Variants in CSMD3 observed in about 807,000 individuals in gnomAD.
The protein encoded by CSMD3 is CUB and sushi domain-containing protein 3.
A neutral mutation model predicts 435.2 loss-of-function variants in CSMD3; 177 were observed. That is an observed-to-expected ratio of 0.41 (90% CI 0.36 to 0.46). The LOEUF (loss-of-function observed/expected upper bound fraction) is 0.46, where lower values mean the gene tolerates loss of function less well. CSMD3 is among the 20% of genes least tolerant of loss of function. The pLI, the probability that CSMD3 is intolerant of heterozygous loss-of-function variation, is 0.34. For synonymous variants in CSMD3, 1,656 were observed against 1,520.5 expected, an observed-to-expected ratio of 1.09 and a Z score of -2.07; for missense variants, 4,265 against 4,504.6, an observed-to-expected ratio of 0.95 and a Z score of 1.52.
At chr8:112,944,401 C>G (rs923809342) in intron 9 of CSMD3, among the ~76,000 whole-genome samples, 1 of 151,676 alleles carries the variant, frequency 6.6e-6, no homozygotes, top group Admixed American at 6.6e-5. Context: ...TCTACCCTCT[C>G]TTTCCAATGC....
rs138378717 is a variant in CSMD3 at position 113,164,910 on chromosome 8, C to T, written c.709+8812G>A. On this transcript the variant is annotated intron_variant, in intron 4 of 70. Coordinates refer to ENST00000297405, the MANE Select transcript of CSMD3 (RefSeq NM_198123.2). ...AATGAGTCTACTAAAATATGTGTCACATAGCATTAAATGTCTTTGGTGGCT... is the reference window on the plus strand; with the variant it reads ...AATGAGTCTACTAAAATATGTGTCATATAGCATTAAATGTCTTTGGTGGCT... Among the ~76,000 whole-genome samples the T allele has an allele frequency of 1.6e-4, 25 of 152,242 alleles. No homozygotes were observed. The East Asian group carries it at 4.3e-3, about 26-fold the overall frequency.
intron 59 of CSMD3, among the ~76,000 whole-genome samples, chr8:112,269,470 A>C (rs2130455216): frequency 6.6e-6 from 1 of 152,278 alleles, no homozygotes; most frequent in South Asian, 2.1e-4. Context: ...ATATCATCCA[A>C]GAAAATGAAT....
rs565793375 is a variant in CSMD3, at chr8:112,918,978, T to C, written c.1633+2649A>G. Among the ~76,000 whole-genome samples the C allele has an allele frequency of 1.7e-4, 26 of 152,022 alleles. No individual in the cohort carries two copies. The South Asian group carries it at 5.4e-3, about 32-fold the overall frequency. On this transcript the variant is annotated intron_variant, in intron 10 of 70. Coordinates refer to ENST00000297405, the MANE Select transcript of CSMD3 (RefSeq NM_198123.2). ...CTTTGTCCAGACTCACAGTAGTCATTTTAAAACTTCAATTACTATTTCAGC... is the reference window on the plus strand; with the variant it reads ...CTTTGTCCAGACTCACAGTAGTCATCTTAAAACTTCAATTACTATTTCAGC...
intron 2 of CSMD3, among the ~76,000 whole-genome samples, chr8:113,306,494 T>A (rs2093822500): frequency 6.6e-6 from 1 of 152,110 alleles, no homozygotes; most frequent in Non-Finnish European, 1.5e-5. Context: ...ACCTAAGGCA[T>A]TTAGATATTT....
chr8:113,075,956 T>C (rs933267171), intron 5 of CSMD3, among the ~76,000 whole-genome samples: 1 of 151,824 alleles, frequency 6.6e-6, no homozygotes, highest in Non-Finnish European at 1.5e-5. Context: ...ATAGACTAGG[T>C]GATTTAAAAA....
chr8:112,560,600 T>C (rs1004319576), intron 24 of CSMD3, among the ~76,000 whole-genome samples: 47 of 151,690 alleles, frequency 3.1e-4, no homozygotes, highest in Admixed American at 3.0e-3. Context: ...TGGGTGAACA[T>C]GCAAACAGCA....
intron 24 of CSMD3, among the ~76,000 whole-genome samples, chr8:112,559,947 A>G (rs1045206969): frequency 2.6e-5 from 4 of 151,770 alleles, no homozygotes; most frequent in African/African-American, 9.7e-5. Flanking sequence ...TGCTGGAGAA[A>G]AAAAACTTTT....
At chr8:112,697,357 GA>G (rs2076281627) in intron 13 of CSMD3, among the ~76,000 whole-genome samples, 1 of 152,140 alleles carries the variant, frequency 6.6e-6, no homozygotes, top group African/African-American at 2.4e-5. Flanking sequence ...ACTGGGTTAA[GA>G]AAATGTGGCA....
chr8:113,173,983 T>C (rs147457566), intron 3 of CSMD3, 67 bp from the exon 4 acceptor site: 2 of 1,094,170 alleles, frequency 1.8e-6, no homozygotes, highest in African/African-American at 3.1e-5. Context: ...TTTAGATGTA[T>C]AAAATTATAT....
chr8:112,828,553 C>T (rs528213210), intron 12 of CSMD3, among the ~76,000 whole-genome samples: 7 of 152,236 alleles, frequency 4.6e-5, no homozygotes, highest in Non-Finnish European at 4.4e-5. Flanking sequence ...GTAAGTTTCC[C>T]GAGGTCTCCC....
At chr8:112,585,805 AT>A in intron 23 of CSMD3, among the ~76,000 whole-genome samples, 1 of 151,648 alleles carries the variant, frequency 6.6e-6, no homozygotes, top group African/African-American at 2.4e-5. Context: ...GCATTGATAC[AT>A]TTTCCCCCCA....
At chr8:112,282,141 T>C (rs1046003887) in intron 58 of CSMD3, among the ~76,000 whole-genome samples, 2 of 152,140 alleles carry the variant, frequency 1.3e-5, no homozygotes, top group African/African-American at 4.8e-5. Context: ...CTTTTATGGA[T>C]ATGAAATATG....
intron 4 of CSMD3, among the ~76,000 whole-genome samples, chr8:113,143,364 C>T (rs2131740401): frequency 6.6e-6 from 1 of 151,488 alleles, no homozygotes; most frequent in East Asian, 1.9e-4. Context: ...ACTTACATAT[C>T]ACCAGCGGAA....
chr8:113,372,637 G>A (rs916683042), intron 1 of CSMD3, among the ~76,000 whole-genome samples: 8 of 152,074 alleles, frequency 5.3e-5, no homozygotes, highest in Admixed American at 4.6e-4. Context: ...CAAAAGCATA[G>A]AAAAGACACA....
intron 13 of CSMD3, among the ~76,000 whole-genome samples, chr8:112,789,679 G>A (rs2078638382): frequency 1.3e-5 from 2 of 151,802 alleles, no homozygotes; most frequent in South Asian, 4.1e-4. Flanking sequence ...ATTAAACAAA[G>A]TTTTTATTAT....
At chr8:112,524,206 C>A (rs1038986533) in intron 27 of CSMD3, among the ~76,000 whole-genome samples, 1 of 151,572 alleles carries the variant, frequency 6.6e-6, no homozygotes, top group African/African-American at 2.4e-5. Flanking sequence ...TTTGTGGAAT[C>A]AAAGGCTTGT....
chr8:113,106,734 A>G (rs1272724465), intron 4 of CSMD3, among the ~76,000 whole-genome samples: 1 of 152,196 alleles, frequency 6.6e-6, no homozygotes, highest in Non-Finnish European at 1.5e-5. Context: ...CAAATATTTT[A>G]GTGCTTTTCA....
At chr8:113,186,508 A>G (rs2092504417) in intron 3 of CSMD3, among the ~76,000 whole-genome samples, 1 of 152,048 alleles carries the variant, frequency 6.6e-6, no homozygotes, top group Non-Finnish European at 1.5e-5. Flanking sequence ...AGCCGTTTAT[A>G]GGACGCTTTC....
chr8:112,472,480 A>G (rs1818618952), intron 32 of CSMD3, 111 bp downstream of exon 32: 2 of 751,672 alleles, frequency 2.7e-6, no homozygotes, highest in African/African-American at 3.5e-5. Flanking sequence ...ATTGCATAGT[A>G]AAATACTTTA....
Sources: allele counts gnomAD v4.1 joint callset (sites outside exome capture counted in the v4.1 genomes callset), GRCh38; gene constraint gnomAD v4.1.1; transcripts MANE v1.5; gene names NCBI Gene and HGNC (gene_info 2026-07-23, HGNC 2026-07-21).